The following SMOX variants were observed in gnomAD, a reference collection of about 807,000 sequenced individuals.
SMOX encodes the protein flavin containing amine oxidase.
In SMOX, 22 loss-of-function variants were observed where a neutral mutation model predicts 51.0. The ratio of observed to expected loss-of-function variants is 0.43; its 90% CI spans 0.31 to 0.62. SMOX has a LOEUF of 0.62. Among genes scored for constraint, SMOX ranks in the 20% least tolerant of loss-of-function variants. The pLI is 0.10. For synonymous variants in SMOX, 282 were observed against 307.8 expected, an observed-to-expected ratio of 0.92 and a Z score of 0.88; for missense variants, 566 against 777.7, an observed-to-expected ratio of 0.73 and a Z score of 3.24.
At chr20:4,162,168 G>A (rs1986363698) in intron 1 of SMOX, among the ~76,000 whole-genome samples, 1 of 152,256 alleles carries the variant, frequency 6.6e-6, no homozygotes, top group South Asian at 2.1e-4. Context: ...GGCGGCCCGG[G>A]TGGGGCTGGG....
chr20:4,180,964 A>T lies in SMOX; in HGVS notation c.436-839A>T, dbSNP rs184777948. Among the ~76,000 whole-genome samples the T allele has an allele frequency of 9.8e-4, 149 of 152,202 alleles. 1 individual carries two copies. Among genetic ancestry groups the T allele is most frequent in the Middle Eastern group, 3.4e-3 (1 of 294 alleles). ...ACAGAGCCCGGTAAATGTTGAGTAA[A>T]TGTTGCTTCTGGGGATCCCTGGACT... is the stretch of plus-strand genomic sequence containing the variant. On this transcript the variant is annotated intron_variant, in intron 3 of 6. Transcript: ENST00000305958.
chr20:4,163,200 T>TAAA (rs11475945), intron 1 of SMOX, among the ~76,000 whole-genome samples: 4 of 144,580 alleles, frequency 2.8e-5, no homozygotes, highest in Admixed American at 2.7e-4. Flanking sequence ...TGTAGGTCCC[T>TAAA]AAAAAAAAAA....
chr20:4,171,907 T>C (rs1000293789), intron 1 of SMOX: 5 of 152,168 alleles, frequency 3.3e-5, no homozygotes, highest in African/African-American at 1.2e-4. Flanking sequence ...AAAGGAGCGG[T>C]GAGGACAAGC....
chr20:4,159,752 C>T lies in SMOX; in HGVS notation c.-27+10775C>T, dbSNP rs543535099. Among the ~76,000 whole-genome samples, 6 of 152,340 alleles carry T rather than the reference C, an allele frequency of 3.9e-5. 1 individual carries two copies. The South Asian group carries it at 1.2e-3, about 32-fold the overall frequency. On this transcript the variant is annotated intron_variant, in intron 1 of 6. Coordinates refer to ENST00000305958, the MANE Select transcript of SMOX (RefSeq NM_175839.3). Reference sequence around the variant, plus strand: ...TGTTTATGTCCAAACTCAGCGTCTCCACTTCATAGGGGTCTTATGGATGAA... The same window carrying T: ...TGTTTATGTCCAAACTCAGCGTCTCTACTTCATAGGGGTCTTATGGATGAA...
At chr20:4,180,689 C>T (rs796823924) in intron 3 of SMOX, among the ~76,000 whole-genome samples, 2 of 152,280 alleles carry the variant, frequency 1.3e-5, no homozygotes, top group African/African-American at 4.8e-5. Flanking sequence ...CCCCCTCCAG[C>T]AAAACCAAAC....
chr20:4,157,677 A>G (rs1986078688), intron 1 of SMOX, among the ~76,000 whole-genome samples: 1 of 151,842 alleles, frequency 6.6e-6, no homozygotes, highest in Non-Finnish European at 1.5e-5. Flanking sequence ...GTGAGACATG[A>G]GGCAGGGTGT....
At chr20:4,175,848 A>G (rs567130265) in intron 2 of SMOX, among the ~76,000 whole-genome samples, 1 of 125,928 alleles carries the variant, frequency 7.9e-6, no homozygotes, top group Admixed American at 9.4e-5. Context: ...ATCTCAGAGA[A>G]TGGGAAAATT....
chr20:4,186,702 G>A (rs377474470), intron 6 of SMOX: 83 of 779,214 alleles, frequency 1.1e-4, no homozygotes, highest in Non-Finnish European at 1.7e-4. Context: ...CACATATGAC[G>A]CTGTTTAGTA....
rs1361748534 is a variant in SMOX at position 4,182,029 on chromosome 20, C to A, written c.609+53C>A. On this transcript the variant is annotated intron_variant, in intron 4 of 6. Coordinates refer to ENST00000305958, the MANE Select transcript of SMOX (RefSeq NM_175839.3). This position sits in a 1 kb window ranked among gnomAD's most constrained non-coding sequence, Gnocchi z 8.4. ...GCGTCTGGGTCTGAGGAGGGCTACG[C>A]TGCTCCTACCCCTGCCCAACCCCGG... is the stretch of plus-strand genomic sequence containing the variant. The A allele has an allele frequency of 9.4e-6, 15 of 1,597,824 alleles. No individual in the cohort carries two copies. The highest frequency in any genetic ancestry group is 1.2e-5 in the Non-Finnish European group (14 of 1,170,734).
intron 3 of SMOX, among the ~76,000 whole-genome samples, chr20:4,180,055 G>C (rs1979206161): frequency 6.6e-6 from 1 of 152,174 alleles, no homozygotes; most frequent in Non-Finnish European, 1.5e-5. Flanking sequence ...CTAAGGACTG[G>C]CTACCAGGTT....
At chr20:4,180,040 A>G (rs562853819) in intron 3 of SMOX, among the ~76,000 whole-genome samples, 2 of 152,328 alleles carry the variant, frequency 1.3e-5, no homozygotes, top group East Asian at 3.9e-4. Context: ...TCTAGTTAAC[A>G]TAAGCTAAGG....
At position 4,175,050 on chromosome 20, in the gene SMOX, G is replaced by T. The variant is rs1978724134; in HGVS notation, c.-6G>T. ...TGCAGGTTCCTAGAAGGTGAGCGCG[G>T]ACGGTATGCAAAGTTGTGAATCCAG... On this transcript the variant is annotated 5_prime_UTR_variant, in exon 2 of 7. Transcript: ENST00000305958. The T allele has an allele frequency of 6.2e-7, 1 of 1,614,078 alleles. No homozygotes were observed. Among genetic ancestry groups the T allele is most frequent in the Non-Finnish European group, 8.5e-7 (1 of 1,180,016 alleles).
chr20:4,158,130 G>A (rs535923924), intron 1 of SMOX, among the ~76,000 whole-genome samples: 9 of 151,012 alleles, frequency 6.0e-5, no homozygotes, highest in East Asian at 6.0e-4. Context: ...TCGATCTCCT[G>A]ACCTCGTGAT....
At chr20:4,180,421 T>C (rs1319413849) in intron 3 of SMOX, among the ~76,000 whole-genome samples, 3 of 152,206 alleles carry the variant, frequency 2.0e-5, no homozygotes, top group Non-Finnish European at 2.9e-5. Flanking sequence ...ACATGTGTGC[T>C]GACCACACTC....
chr20:4,156,868 G>A (rs1301113574), intron 1 of SMOX, among the ~76,000 whole-genome samples: 4 of 152,080 alleles, frequency 2.6e-5, no homozygotes, highest in Non-Finnish European at 5.9e-5. Context: ...TCAGCCTCCC[G>A]AGTAGCTGGG....
rs1402737384 is a variant in SMOX, at chr20:4,182,016, G to A, written c.609+40G>A. ...ACGGATTCTGGGGGCGTCTGGGTCT[G>A]AGGAGGGCTACGCTGCTCCTACCCC... On this transcript the variant is annotated intron_variant, in intron 4 of 6. Coordinates refer to ENST00000305958, the MANE Select transcript of SMOX (RefSeq NM_175839.3). The surrounding 1 kb of genome is among the most constrained non-coding windows in gnomAD (Gnocchi z 8.4). The A allele has an allele frequency of 2.5e-6, 4 of 1,608,516 alleles. No individual in the cohort carries two copies. The highest frequency in any genetic ancestry group is 3.4e-6 in the Non-Finnish European group (4 of 1,177,144).
In SMOX at chr20:4,149,939, C is replaced by T. The variant is rs915784476; in HGVS notation, c.-27+962C>T. ...TCCGAAAGTGTGTGCAGTGAAGCCC[C>T]CACATTTGCATTCGGCCACCACTGC... On this transcript the variant is annotated intron_variant, in intron 1 of 6. Transcript: ENST00000305958. This position sits in a 1 kb window ranked among gnomAD's most constrained non-coding sequence, Gnocchi z 6.0. Among the ~76,000 whole-genome samples the T allele has an allele frequency of 3.3e-5, 5 of 152,132 alleles. No homozygotes were observed. The highest frequency in any genetic ancestry group is 9.7e-5 in the African/African-American group (4 of 41,416).
At position 4,173,859 on chromosome 20, in the gene SMOX, C is replaced by T. The variant is rs553340963; in HGVS notation, c.-26-1171C>T. 1.3e-4 allele frequency among the ~76,000 whole-genome samples: 20 copies of T among 152,356 alleles called. 1 individual carries two copies. Among genetic ancestry groups the T allele is most frequent in the South Asian group, 1.0e-3 (5 of 4,830 alleles). On this transcript the variant is annotated intron_variant, in intron 1 of 6. Transcript: ENST00000305958. ...GGCCCCCAGATATCTCCAAACCCTCCGGGTCATTCTGGGAAGAGAAAAGCA... is the reference window on the plus strand; with the variant it reads ...GGCCCCCAGATATCTCCAAACCCTCTGGGTCATTCTGGGAAGAGAAAAGCA...
Position 4,181,520 on chromosome 20 carries a change from T to C in SMOX, c.436-283T>C, listed in dbSNP as rs1051214086. The stretch of plus-strand genomic sequence containing the variant: ...GAGGGGTGGCTTCTTTCCCACAGAC[T>C]GTATGGGCACCAAATGTTTCACATT... On this transcript the variant is annotated intron_variant, in intron 3 of 6. Transcript: ENST00000305958. The surrounding 1 kb of genome is among the most constrained non-coding windows in gnomAD (Gnocchi z 5.6). 3.9e-5 allele frequency among the ~76,000 whole-genome samples: 6 copies of C among 152,140 alleles called. No homozygotes were observed. Among genetic ancestry groups the C allele is most frequent in the African/African-American group, 1.4e-4 (6 of 41,434 alleles).
Sources: allele counts gnomAD v4.1 joint callset (sites outside exome capture counted in the v4.1 genomes callset), GRCh38; gene constraint gnomAD v4.1.1; non-coding constraint Gnocchi (gnomAD v3.1); transcripts MANE v1.5; gene names NCBI Gene and HGNC (gene_info 2026-07-23, HGNC 2026-07-21).